ZNF800: variants seen among roughly 807,000 people sequenced by gnomAD.
ZNF800 encodes the protein zinc finger protein 800.
ZNF800 carries 13 observed loss-of-function variants against 59.5 expected under a neutral mutation model. That is an observed-to-expected ratio of 0.22 (90% CI 0.14 to 0.35). ZNF800 has a LOEUF of 0.35. Ranked by LOEUF, ZNF800 falls within the 10% of genes least tolerant of loss-of-function variation. ZNF800 has a pLI of 1.00. For synonymous variants in ZNF800, 266 were observed against 265.7 expected (o/e 1.00, Z -0.01); for missense variants, 621 against 783.7 (o/e 0.79, Z 2.48).
At chr7:127,379,648 C>A (rs1436515432) in intron 3 of ZNF800, among the ~76,000 whole-genome samples, 2 of 152,064 alleles carry the variant, frequency 1.3e-5, no homozygotes, top group African/African-American at 4.8e-5. Context: ...ACTTTGCCTA[C>A]CAGCTTCTCA....
downstream of ZNF800, among the ~76,000 whole-genome samples, chr7:127,365,741 A>C (rs1014186293): frequency 1.3e-5 from 2 of 152,142 alleles, no homozygotes; most frequent in Non-Finnish European, 2.9e-5. Context: ...AAGTGCTCTA[A>C]CTTAATAAAC....
At chr7:127,385,396 A>G (rs1801107430) in intron 3 of ZNF800, among the ~76,000 whole-genome samples, 1 of 152,206 alleles carries the variant, frequency 6.6e-6, no homozygotes, top group Non-Finnish European at 1.5e-5. Context: ...GGGCGCTAAC[A>G]GTTCCCAATC....
chr7:127,389,462 T>A lies in ZNF800; in HGVS notation c.61+2035A>T, dbSNP rs570195104. On this transcript the variant is annotated intron_variant, in intron 2 of 5. Coordinates refer to ENST00000265827, the MANE Select transcript of ZNF800 (RefSeq NM_176814.5). ...CTGGAGACTCACCCAGTATTCATAA[T>A]CCAAATGTGGACAGATTTTTATCAA... Among the ~76,000 whole-genome samples the A allele has an allele frequency of 3.3e-5, 5 of 152,330 alleles. No individual in the cohort carries two copies. In the South Asian group the frequency reaches 1.0e-3, roughly 32 times the overall value.
chr7:127,373,058 T>A (rs904575130), intron 5 of ZNF800: 2 of 985,402 alleles, frequency 2.0e-6, no homozygotes, highest in East Asian at 2.3e-4. Flanking sequence ...GTATATATTT[T>A]ACAACATTAA....
downstream of ZNF800, among the ~76,000 whole-genome samples, chr7:127,365,085 AAAGGT>A (rs1355230583): frequency 6.6e-6 from 1 of 152,174 alleles, no homozygotes; most frequent in Non-Finnish European, 1.5e-5. Flanking sequence ...ATGAATTTAA[AAAGGT>A]AAGTATTAAG....
downstream of ZNF800, among the ~76,000 whole-genome samples, chr7:127,369,721 C>T (rs927833105): frequency 4.6e-5 from 7 of 152,012 alleles, no homozygotes; most frequent in Non-Finnish European, 7.4e-5. Flanking sequence ...CATTTATTTC[C>T]TCCTCTAGAT....
chr7:127,387,589 A>C (rs1300215445), intron 2 of ZNF800, among the ~76,000 whole-genome samples: 1 of 152,200 alleles, frequency 6.6e-6, no homozygotes, highest in Non-Finnish European at 1.5e-5. Context: ...GGCCTGGTGC[A>C]GTGGCTCAGG....
At chr7:127,348,778 T>TA (rs1236582064) in intron 1 of ZNF800, among the ~76,000 whole-genome samples, 1 of 152,200 alleles carries the variant, frequency 6.6e-6, no homozygotes, top group African/African-American at 2.4e-5. Context: ...TGTTTTACAG[T>TA]AAAAAATATA....
Position 127,371,555 on chromosome 7 carries a change from A to C in ZNF800, c.*259T>G, listed in dbSNP as rs1800632098. On this transcript the variant is annotated 3_prime_UTR_variant, in exon 6 of 6. Transcript: ENST00000265827. ...ACTGTCGACCAAATGCACAAGGTCA[A>C]GGGTGGATAGCTGATGGACTGTGAT... 47 of 348,592 alleles carry C rather than the reference A, an allele frequency of 1.3e-4. No individual in the cohort carries two copies. In the East Asian group the frequency reaches 2.0e-3, roughly 15 times the overall value. The allele number at this position is 348,592 out of a possible 1,614,324, so 21.6% of individuals were successfully genotyped here.
intron 2 of ZNF800, 152 bp downstream of exon 2, chr7:127,391,345 A>T: frequency 1.4e-6 from 1 of 729,426 alleles, no homozygotes; most frequent in Non-Finnish European, 2.3e-6. Context: ...TTGTTTGTAC[A>T]AGCTTTTAGC....
chr7:127,365,045 C>T (rs1367270714), downstream of ZNF800, among the ~76,000 whole-genome samples: 1 of 152,030 alleles, frequency 6.6e-6, no homozygotes, highest in East Asian at 1.9e-4. Context: ...AAGTGGAAGG[C>T]AAGCTGCATT....
intron 2 of ZNF800, among the ~76,000 whole-genome samples, chr7:127,387,995 A>G (rs553932197): frequency 6.6e-6 from 1 of 152,202 alleles, no homozygotes; most frequent in African/African-American, 2.4e-5. Flanking sequence ...GCAGTGATTA[A>G]GAACATAAGA....
rs765773901 is a variant in ZNF800, at chr7:127,370,096, A to G, written c.*1718T>C. Reference sequence around the variant, plus strand: ...TGCAACTAATGAAGATGGCTTATAAATGAAATACCACCTACACATTTAGTT... The same window carrying G: ...TGCAACTAATGAAGATGGCTTATAAGTGAAATACCACCTACACATTTAGTT... On this transcript the variant is annotated 3_prime_UTR_variant, in exon 6 of 6. Transcript: ENST00000265827. 2.6e-5 allele frequency: 4 copies of G among 152,190 alleles called. No homozygotes were observed. Among genetic ancestry groups the G allele is most frequent in the Non-Finnish European group, 4.4e-5 (3 of 68,012 alleles). 9.4% of individuals were successfully genotyped at this position (152,190 alleles called of 1,614,324 possible).
chr7:127,369,157 C>G (rs147077315), downstream of ZNF800, among the ~76,000 whole-genome samples: 3 of 152,096 alleles, frequency 2.0e-5, no homozygotes, highest in Admixed American at 6.6e-5. Context: ...GAAGAGCAAC[C>G]TACGCCTGTT....
chr7:127,362,541 C>T (rs534771417), intron 1 of ZNF800: 1 of 152,242 alleles, frequency 6.6e-6, no homozygotes, highest in South Asian at 2.1e-4. Flanking sequence ...TGCTATTATC[C>T]ATCCACTCAT....
intron 3 of ZNF800, among the ~76,000 whole-genome samples, chr7:127,385,519 A>T (rs1801110967): frequency 6.6e-6 from 1 of 152,200 alleles, no homozygotes; most frequent in Admixed American, 6.5e-5. Context: ...AATCTAAGCA[A>T]ATCTACCTGA....
downstream of ZNF800, among the ~76,000 whole-genome samples, chr7:127,346,276 G>A (rs767763970): frequency 1.3e-5 from 2 of 152,178 alleles, no homozygotes; most frequent in Non-Finnish European, 2.9e-5. Flanking sequence ...ATGAAGAGTA[G>A]TCTCAGATGT....
chr7:127,392,365 C>T lies in ZNF800; in HGVS notation c.-364G>A, dbSNP rs973963787. The T allele has an allele frequency of 5.2e-6, 2 of 382,198 alleles. No individual in the cohort carries two copies. Among genetic ancestry groups the T allele is most frequent in the Non-Finnish European group, 9.3e-6 (2 of 215,804 alleles). 23.7% of individuals were successfully genotyped at this position (382,198 alleles called of 1,614,324 possible). A position where few individuals can be genotyped will look rare whatever the true frequency, so the allele number is the denominator to read the frequency against. On this transcript the variant is annotated 5_prime_UTR_variant, in exon 1 of 6. Transcript: ENST00000265827. ...GGCGGAGGCAGTTGACAGGAGGAAC[C>T]GCCCGGCAGCAGCTGCCGCCGCCAC...
rs370887608 is a variant in ZNF800, at chr7:127,391,447, A to G, written c.61+50T>C. 1.9e-6 allele frequency: 3 copies of G among 1,564,076 alleles called. No homozygotes were observed. The African/African-American group carries it at 4.1e-5, about 21-fold the overall frequency. ...AAAAAGCTAGAAAAAAAGAGAAGGC[A>G]GAGTGGCTCTGATGGAGGGCAAAGC... On this transcript the variant is annotated intron_variant, in intron 2 of 5. Transcript: ENST00000265827.
Sources: allele counts gnomAD v4.1 joint callset (sites outside exome capture counted in the v4.1 genomes callset), GRCh38; gene constraint gnomAD v4.1.1; transcripts MANE v1.5; gene names NCBI Gene and HGNC (gene_info 2026-07-23, HGNC 2026-07-21).